The following AGBL4 variants were observed in gnomAD, a reference collection of about 807,000 sequenced individuals.
AGBL4 encodes the protein AGBL carboxypeptidase 4.
Under a neutral mutation model 66.4 loss-of-function variants are expected in AGBL4, and 58 were observed. The ratio of observed to expected loss-of-function variants is 0.87; its 90% CI spans 0.71 to 1.09. The LOEUF is 1.09. Ranked by LOEUF, AGBL4 falls within the 50% of genes least tolerant of loss-of-function variation. The pLI is 0.00. For missense variants in AGBL4, 579 were observed against 631.0 expected (o/e 0.92, Z 0.88); for synonymous variants, 234 against 222.9 (o/e 1.05, Z -0.44).
At chr1:49,961,707 C>T (rs2148344632) in intron 1 of AGBL4, among the ~76,000 whole-genome samples, 2 of 152,142 alleles carry the variant, frequency 1.3e-5, no homozygotes, top group South Asian at 4.1e-4. Flanking sequence ...GATTCCAGAG[C>T]AATCACAGTT....
intron 3 of AGBL4, among the ~76,000 whole-genome samples, chr1:49,419,373 G>C (rs1175018453): frequency 6.6e-6 from 1 of 152,098 alleles, no homozygotes; most frequent in Admixed American, 6.5e-5. Context: ...CGGTAACATA[G>C]TTCACATTTT....
At chr1:49,620,868 T>A (rs1194725618) in intron 3 of AGBL4, among the ~76,000 whole-genome samples, 3 of 152,312 alleles carry the variant, frequency 2.0e-5, no homozygotes, top group South Asian at 2.1e-4. Context: ...TCAACCTTTT[T>A]TTTTTCAAAA....
intron 4 of AGBL4, among the ~76,000 whole-genome samples, chr1:49,053,647 T>C (rs1464388028): frequency 3.3e-5 from 5 of 152,194 alleles, no homozygotes; most frequent in Admixed American, 2.0e-4. Context: ...ACATTTATGC[T>C]AGGGTATAAC....
chr1:49,986,547 G>A (rs1659519835), intron 1 of AGBL4, among the ~76,000 whole-genome samples: 1 of 152,064 alleles, frequency 6.6e-6, no homozygotes, highest in South Asian at 2.1e-4. Flanking sequence ...AGGTCATAGA[G>A]CATGCATATG....
intron 4 of AGBL4, among the ~76,000 whole-genome samples, chr1:49,192,935 C>G (rs1445458888): frequency 6.6e-6 from 1 of 152,144 alleles, no homozygotes; most frequent in Non-Finnish European, 1.5e-5. Context: ...TTTATTTCTT[C>G]CTGGTTCAAT....
chr1:49,621,840 T>C (rs1271987723), intron 3 of AGBL4, among the ~76,000 whole-genome samples: 1 of 152,178 alleles, frequency 6.6e-6, no homozygotes, highest in Admixed American at 6.6e-5. Flanking sequence ...CTGCACAGAA[T>C]TCCTTCTCCT....
chr1:49,813,537 T>C (rs1040213065), intron 2 of AGBL4, among the ~76,000 whole-genome samples: 3 of 152,168 alleles, frequency 2.0e-5, no homozygotes, highest in South Asian at 2.1e-4. Context: ...TAATACCCTA[T>C]ACAGACTCTG....
At chr1:49,777,061 T>G (rs1644215520) in intron 2 of AGBL4, among the ~76,000 whole-genome samples, 1 of 152,194 alleles carries the variant, frequency 6.6e-6, no homozygotes, top group Non-Finnish European at 1.5e-5. Context: ...CCATACGGTA[T>G]GAAAAGTGTT....
intron 5 of AGBL4, among the ~76,000 whole-genome samples, chr1:48,908,927 CT>C (rs11367648): frequency 0.86 from 126,148 of 147,036 alleles, 55,011 homozygotes; most frequent in Non-Finnish European, 0.95. Context: ...TCAACCTTGC[CT>C]TTTTTTTTTT....
At chr1:49,824,000 T>C (rs752511275) in intron 2 of AGBL4, among the ~76,000 whole-genome samples, 64 of 152,032 alleles carry the variant, frequency 4.2e-4, no homozygotes, top group Non-Finnish European at 5.0e-4. Flanking sequence ...CACCTGAAGT[T>C]GGGAGTTCGA....
At chr1:48,599,383 C>G (rs995369056) in intron 9 of AGBL4, among the ~76,000 whole-genome samples, 4 of 152,176 alleles carry the variant, frequency 2.6e-5, no homozygotes, top group Admixed American at 1.3e-4. Context: ...GGTTGGTTTA[C>G]CCCAGCATCA....
In AGBL4 at chr1:48,736,603, T is replaced by G. The variant is rs964610600; in HGVS notation, c.635-73362A>C. 6 of 685,208 alleles carry G rather than the reference T, an allele frequency of 8.8e-6. No individual in the cohort carries two copies. The highest frequency in any genetic ancestry group is 1.5e-5 in the Non-Finnish European group (6 of 407,332). The allele number at this position is 685,208 out of a possible 1,614,324, so 42.4% of individuals were successfully genotyped here. On this transcript the variant is annotated intron_variant, in intron 6 of 13. Coordinates refer to ENST00000371839, the MANE Select transcript of AGBL4 (RefSeq NM_032785.4). This position sits in a 1 kb window ranked among gnomAD's most constrained non-coding sequence, Gnocchi z 4.0. Reference sequence around the variant, plus strand: ...TCTCTTTAAGGGTAATCGTAATAGCTATCATCTACTGAATACGTGTAGTGT... The same window carrying G: ...TCTCTTTAAGGGTAATCGTAATAGCGATCATCTACTGAATACGTGTAGTGT...
chr1:49,159,803 T>C (rs968294197), intron 4 of AGBL4, among the ~76,000 whole-genome samples: 7 of 152,220 alleles, frequency 4.6e-5, no homozygotes, highest in South Asian at 2.1e-4. Context: ...ATGCTTTATT[T>C]CATTAAGCTG....
chr1:48,876,401 C>A (rs868062711), intron 5 of AGBL4, among the ~76,000 whole-genome samples: 1 of 152,110 alleles, frequency 6.6e-6, no homozygotes, highest in Middle Eastern at 3.2e-3. Flanking sequence ...GGAGGAAAGA[C>A]CCAGGCATCA....
chr1:48,950,323 C>A (rs910425313), intron 5 of AGBL4, among the ~76,000 whole-genome samples: 3 of 152,146 alleles, frequency 2.0e-5, no homozygotes, highest in Non-Finnish European at 4.4e-5. Context: ...TGGTCTTGAA[C>A]TCCTGTCCTC....
intron 6 of AGBL4, among the ~76,000 whole-genome samples, chr1:48,746,855 CA>C (rs750698907): frequency 1.2e-3 from 181 of 152,240 alleles, no homozygotes; most frequent in Non-Finnish European, 2.0e-3. Flanking sequence ...GGCAAAACGG[CA>C]GATGAATGAA....
rs574041283 is a variant in AGBL4 at position 48,815,450 on chromosome 1, A to G, written c.634+51741T>C. ...TTTGTAGAACAGTGTGGTATGATGG[A>G]AAGAACAGGAGTCAGTAGGAACTAA... On this transcript the variant is annotated intron_variant, in intron 6 of 13. Coordinates refer to ENST00000371839, the MANE Select transcript of AGBL4 (RefSeq NM_032785.4). Among the ~76,000 whole-genome samples, 3 of 152,268 alleles carry G rather than the reference A, an allele frequency of 2.0e-5. No homozygotes were observed. In the South Asian group the frequency reaches 6.2e-4, roughly 32 times the overall value.
chr1:49,445,865 G>A (rs1489027971), intron 3 of AGBL4, among the ~76,000 whole-genome samples: 1 of 151,250 alleles, frequency 6.6e-6, no homozygotes. Context: ...TTTATTTATT[G>A]TTTTGAGATA....
rs138184945 is a variant in AGBL4, at chr1:48,881,933, T to C, written c.595-14703A>G. ...GAGGCTTTGAGAAAAGAGAGCCACA[T>C]TGGCTTTGCCTCATGTTCAAAAGGA... On this transcript the variant is annotated intron_variant, in intron 5 of 13. Coordinates refer to ENST00000371839, the MANE Select transcript of AGBL4 (RefSeq NM_032785.4). Among the ~76,000 whole-genome samples the C allele has an allele frequency of 1.1e-4, 16 of 152,298 alleles. No homozygotes were observed. The South Asian group carries it at 2.9e-3, about 28-fold the overall frequency.
Sources: allele counts gnomAD v4.1 joint callset (sites outside exome capture counted in the v4.1 genomes callset), GRCh38; gene constraint gnomAD v4.1.1; non-coding constraint Gnocchi (gnomAD v3.1); transcripts MANE v1.5; gene names NCBI Gene and HGNC (gene_info 2026-07-23, HGNC 2026-07-21).